MAP3K14: variants seen among roughly 807,000 people sequenced by gnomAD.
MAP3K14 encodes the protein NF-kappa-beta-inducing kinase.
Under a neutral mutation model 99.2 loss-of-function variants are expected in MAP3K14, and 16 were observed. The observed-to-expected ratio is 0.16, with a 90% CI of 0.11 to 0.24. The LOEUF (loss-of-function observed/expected upper bound fraction) is 0.24. MAP3K14 is among the 10% of genes least tolerant of loss of function. The pLI, the probability that MAP3K14 is intolerant of heterozygous loss-of-function variation, is 1.00. For synonymous variants in MAP3K14, 462 were observed against 492.4 expected (o/e 0.94, Z 0.82); for missense variants, 784 against 1,208.7 (o/e 0.65, Z 5.21).
intron 6 of MAP3K14, among the ~76,000 whole-genome samples, chr17:45,282,764 C>G (rs917333027): frequency 3.3e-5 from 5 of 152,160 alleles, no homozygotes; most frequent in Non-Finnish European, 7.4e-5. Flanking sequence ...GATGTGCAGC[C>G]TGACCTCTGA....
intron 1 of MAP3K14, among the ~76,000 whole-genome samples, chr17:45,299,985 G>A (rs1429070777): frequency 6.6e-6 from 1 of 152,126 alleles, no homozygotes; most frequent in African/African-American, 2.4e-5. Flanking sequence ...AGCTACTCAG[G>A]AGGCTGAGAT....
At chr17:45,290,042 A>G (rs905167953) in intron 2 of MAP3K14, among the ~76,000 whole-genome samples, 1 of 152,224 alleles carries the variant, frequency 6.6e-6, no homozygotes, top group African/African-American at 2.4e-5. Flanking sequence ...GGACTGGCCC[A>G]GCAGGCTCAA....
Position 45,289,002 on chromosome 17 carries a change from G to A in MAP3K14, c.326+234C>T, listed in dbSNP as rs1055059697. On this transcript the variant is annotated intron_variant, in intron 3 of 15. Transcript: ENST00000344686. ...ACTCTGAGGAGAATAAAAATAAAAT[G>A]TCAAGTTGATGTGGCCCAGAGGCAG... 2.0e-5 allele frequency among the ~76,000 whole-genome samples: 3 copies of A among 152,294 alleles called. No homozygotes were observed. The East Asian group carries it at 5.8e-4, about 29-fold the overall frequency.
intron 1 of MAP3K14, among the ~76,000 whole-genome samples, chr17:45,299,093 G>A (rs2044367433): frequency 1.3e-5 from 2 of 152,224 alleles, no homozygotes; most frequent in Admixed American, 6.5e-5. Flanking sequence ...GGCAGTCCCA[G>A]GAGAGGAGGC....
At chr17:45,300,894 T>C (rs1277062925) in intron 1 of MAP3K14, among the ~76,000 whole-genome samples, 1 of 152,034 alleles carries the variant, frequency 6.6e-6, no homozygotes, top group African/African-American at 2.4e-5. Context: ...GGGCTGAGCA[T>C]GGTGGCTTAT....
At chr17:45,287,433 T>G in intron 3 of MAP3K14, 69 bp from the exon 4 acceptor site, 1 of 1,341,140 alleles carries the variant, frequency 7.5e-7, no homozygotes, top group East Asian at 2.3e-5. Context: ...TCCAGACACT[T>G]GTATCTGGAC....
At chr17:45,264,891 C>T in intron 15 of MAP3K14, 91 bp from the exon 16 acceptor site, 1 of 1,381,062 alleles carries the variant, frequency 7.2e-7, no homozygotes, top group East Asian at 2.5e-5. Context: ...GCCAGACCGG[C>T]AGCCCTAAGG....
In MAP3K14 at chr17:45,286,480, C is replaced by T. The variant is rs200062238; in HGVS notation, c.1103G>A (p.Arg368Gln). 1.0e-4 allele frequency: 168 copies of T among 1,602,798 alleles called. No homozygotes were observed. The African/African-American group carries it at 1.6e-3, about 15-fold the overall frequency. Residue 368 changes from arginine (R) to glutamine (Q), a missense_variant, in exon 5 of 16, where the codon CGG (arginine) becomes CAG (glutamine). Physicochemically the swap from Arg to Gln is conservative, Grantham distance 43 (BLOSUM62 1). Coordinates refer to ENST00000344686, the MANE Select transcript of MAP3K14 (RefSeq NM_003954.5). The surrounding 1 kb of genome is among the most constrained non-coding windows in gnomAD (Gnocchi z 4.1). ...GTCCTCAGTTTTGGGGCTGGGCTCCCGGGATCTGGAGCCCCTTGCTGCCCA... is the reference window on the plus strand; with the variant it reads ...GTCCTCAGTTTTGGGGCTGGGCTCCTGGGATCTGGAGCCCCTTGCTGCCCA... ...KTWAARGSRS[R>Q]EPSPKTEDNE...
chr17:45,289,068 G>A (rs966891161), intron 3 of MAP3K14, among the ~76,000 whole-genome samples, 168 bp downstream of exon 3: 1 of 152,200 alleles, frequency 6.6e-6, no homozygotes, highest in African/African-American at 2.4e-5. Context: ...AGCTTATTTG[G>A]CTGAGAGAGC....
At chr17:45,274,387 C>G in intron 7 of MAP3K14, 77 bp downstream of exon 7, 1 of 1,593,288 alleles carries the variant, frequency 6.3e-7, no homozygotes, top group Non-Finnish European at 8.5e-7. Flanking sequence ...GATCAGTGAC[C>G]AAGGCCAACT....
At chr17:45,268,230 CTTA>C (rs2044112599) in intron 11 of MAP3K14, 2 of 153,974 alleles carry the variant, frequency 1.3e-5, no homozygotes, top group Admixed American at 6.5e-5. Flanking sequence ...CACCCTCATC[CTTA>C]TAACTACCAG....
At chr17:45,292,919 G>A (rs575369264) in intron 1 of MAP3K14, among the ~76,000 whole-genome samples, 2 of 152,300 alleles carry the variant, frequency 1.3e-5, no homozygotes, top group Admixed American at 1.3e-4. Flanking sequence ...ACAGGACATG[G>A]CCAGGATCCA....
chr17:45,297,556 T>C (rs547453435), intron 1 of MAP3K14, among the ~76,000 whole-genome samples: 1 of 151,834 alleles, frequency 6.6e-6, no homozygotes, highest in African/African-American at 2.4e-5. Context: ...CAAACAGGAG[T>C]TCTAGGTAAG....
At chr17:45,315,433 T>C (rs2044522808) in intron 1 of MAP3K14, among the ~76,000 whole-genome samples, 1 of 152,176 alleles carries the variant, frequency 6.6e-6, no homozygotes, top group African/African-American at 2.4e-5. Flanking sequence ...ACGATTACTT[T>C]TATTTTGAGA....
In MAP3K14 at chr17:45,286,283, GAAT is replaced by G. The variant is rs1317062853; in HGVS notation, c.1152+145_1152+147del. 45 of 1,065,188 alleles carry G rather than the reference GAAT, an allele frequency of 4.2e-5. No homozygotes were observed. Among genetic ancestry groups the G allele is most frequent in the South Asian group, 7.0e-5 (4 of 57,114 alleles). 66.0% of individuals were successfully genotyped at this position (1,065,188 alleles called of 1,614,324 possible). A position where few individuals can be genotyped will look rare whatever the true frequency, so the allele number is the denominator to read the frequency against. On this transcript the variant is annotated intron_variant, in intron 5 of 15. Coordinates refer to ENST00000344686, the MANE Select transcript of MAP3K14 (RefSeq NM_003954.5). The surrounding 1 kb of genome is among the most constrained non-coding windows in gnomAD (Gnocchi z 4.1). The stretch of plus-strand genomic sequence containing the variant: ...AAGGCTGTGAGAAGTGAGATTGGCG[GAAT>G]AAGAGATGATACTTTTCATCCACAA...
intron 1 of MAP3K14, among the ~76,000 whole-genome samples, chr17:45,312,727 G>A (rs2044491575): frequency 6.6e-6 from 1 of 152,076 alleles, no homozygotes; most frequent in Non-Finnish European, 1.5e-5. Context: ...GATTTAAAGG[G>A]GAATCTGCAA....
chr17:45,287,438 C>A, intron 3 of MAP3K14, 74 bp from the exon 4 acceptor site: 1 of 1,293,272 alleles, frequency 7.7e-7, no homozygotes, highest in Non-Finnish European at 1.1e-6. Context: ...ACACTTGTAT[C>A]TGGACTCCTG....
intron 6 of MAP3K14, among the ~76,000 whole-genome samples, chr17:45,282,465 G>C (rs527685674): frequency 6.6e-6 from 1 of 151,758 alleles, no homozygotes; most frequent in East Asian, 1.9e-4. Context: ...TGAGGCAACA[G>C]GGTTGTTTGG....
rs2143773034 is a variant in MAP3K14, at chr17:45,267,740, A to G, written c.1992T>C (p.Pro664=). The change falls in exon 12 of 16, where the codon CCT becomes CCC. Residue 664 remains proline, a synonymous_variant. Coordinates refer to ENST00000344686, the MANE Select transcript of MAP3K14 (RefSeq NM_003954.5). The surrounding 1 kb of genome is among the most constrained non-coding windows in gnomAD (Gnocchi z 5.1). ...TTGGTTCTTTATATTCTCCCCTCCA[A>G]GGGCTCTTCAGACCTCCCACTAGAA... is the stretch of plus-strand genomic sequence containing the variant. The part of the protein sequence containing the change: ...ALQQVGGLKS[P]WRGEYKEPRH... 2.5e-6 allele frequency: 4 copies of G among 1,611,292 alleles called. No homozygotes were observed. The highest frequency in any genetic ancestry group is 3.4e-6 in the Non-Finnish European group (4 of 1,179,668).
Sources: allele counts gnomAD v4.1 joint callset (sites outside exome capture counted in the v4.1 genomes callset), GRCh38; gene constraint gnomAD v4.1.1; non-coding constraint Gnocchi (gnomAD v3.1); transcripts MANE v1.5; gene names NCBI Gene and HGNC (gene_info 2026-07-23, HGNC 2026-07-21).